Variants in CADM2 observed in about 807,000 individuals in gnomAD.
The protein encoded by CADM2 is immunoglobulin superfamily member 4D.
Under a neutral mutation model 49.8 loss-of-function variants are expected in CADM2, and 12 were observed. The observed-to-expected ratio is 0.24, with a 90% CI of 0.15 to 0.39. CADM2 has a LOEUF of 0.39. Among genes scored for constraint, CADM2 ranks in the 10% least tolerant of loss-of-function variants. The pLI, the probability that CADM2 is intolerant of heterozygous loss-of-function variation, is 1.00. For missense variants in CADM2, 378 were observed against 492.3 expected, an observed-to-expected ratio of 0.77 and a Z score of 2.20; for synonymous variants, 214 against 175.4, an observed-to-expected ratio of 1.22 and a Z score of -1.74.
At chr3:85,261,283 C>T (rs2043009564) in intron 1 of CADM2, among the ~76,000 whole-genome samples, 1 of 151,966 alleles carries the variant, frequency 6.6e-6, no homozygotes, top group Non-Finnish European at 1.5e-5. Flanking sequence ...TTACAGGCAT[C>T]TGCCACCAGG....
chr3:85,175,355 C>G (rs563727128), intron 1 of CADM2, among the ~76,000 whole-genome samples: 1 of 152,128 alleles, frequency 6.6e-6, no homozygotes, highest in East Asian at 1.9e-4. Context: ...GTGGAAGCAA[C>G]CTAAGTGTTC....
Position 86,072,207 on chromosome 3 carries a change from A to G in CADM2, c.*5424A>G, listed in dbSNP as rs1703320252. ...AATTATAATGGTTAATCTCTAAAATATGCTTAAAGTAAGATGTTTCTATGT... is the reference window on the plus strand; with the variant it reads ...AATTATAATGGTTAATCTCTAAAATGTGCTTAAAGTAAGATGTTTCTATGT... On this transcript the variant is annotated 3_prime_UTR_variant, in exon 10 of 10. Coordinates refer to ENST00000383699, the MANE Select transcript of CADM2 (RefSeq NM_001167675.2). 1.3e-5 allele frequency: 2 copies of G among 151,786 alleles called. No individual in the cohort carries two copies. The highest frequency in any genetic ancestry group is 2.9e-5 in the Non-Finnish European group (2 of 67,842). The allele number at this position is 151,786 out of a possible 1,614,324, so 9.4% of individuals were successfully genotyped here.
intron 5 of CADM2, among the ~76,000 whole-genome samples, chr3:85,908,299 T>C (rs1717086272): frequency 2.0e-5 from 3 of 149,326 alleles, no homozygotes; most frequent in Non-Finnish European, 4.4e-5. Context: ...TTGAAGCATT[T>C]AAACTTACTT....
At chr3:85,959,140 T>TTATC (rs1330500796) in intron 7 of CADM2, among the ~76,000 whole-genome samples, 153 of 105,000 alleles carry the variant, frequency 1.5e-3, no homozygotes, top group Non-Finnish European at 9.4e-4. Flanking sequence ...CTGTATATCT[T>TTATC]TATCTATCTA....
At chr3:85,244,115 C>A (rs760563769) in intron 1 of CADM2, among the ~76,000 whole-genome samples, 6 of 151,914 alleles carry the variant, frequency 3.9e-5, no homozygotes, top group Admixed American at 1.3e-4. Context: ...ACTCGCCTAC[C>A]CTAAATTTGG....
intron 1 of CADM2, among the ~76,000 whole-genome samples, chr3:85,456,877 A>G (rs1042420551): frequency 6.7e-6 from 1 of 148,936 alleles, no homozygotes; most frequent in African/African-American, 2.5e-5. Context: ...AGATCTTTCT[A>G]CAATAAACAG....
intron 3 of CADM2, among the ~76,000 whole-genome samples, chr3:85,879,079 A>G (rs1490044038): frequency 2.0e-5 from 3 of 150,586 alleles, no homozygotes; most frequent in East Asian, 3.9e-4. Context: ...ATAAATACAT[A>G]TATTTATATA....
intron 3 of CADM2, among the ~76,000 whole-genome samples, chr3:85,842,672 C>G (rs542771366): frequency 4.6e-5 from 7 of 152,208 alleles, no homozygotes; most frequent in African/African-American, 1.7e-4. Context: ...CAGATCTCAT[C>G]TAGGATTGAG....
chr3:85,983,437 G>T (rs767642893), intron 8 of CADM2, among the ~76,000 whole-genome samples: 1 of 151,578 alleles, frequency 6.6e-6, no homozygotes, highest in Non-Finnish European at 1.5e-5. Flanking sequence ...TTTGACCTTC[G>T]ACGGTGCACC....
chr3:85,869,236 A>C (rs1474397899), intron 3 of CADM2, among the ~76,000 whole-genome samples: 1 of 151,940 alleles, frequency 6.6e-6, no homozygotes, highest in African/African-American at 2.4e-5. Context: ...ATGTCACTTT[A>C]CTCACTTTTT....
chr3:85,059,917 T>A (rs1381202079), intron 1 of CADM2, among the ~76,000 whole-genome samples: 1 of 152,156 alleles, frequency 6.6e-6, no homozygotes, highest in African/African-American at 2.4e-5. Flanking sequence ...AGGGTAAATC[T>A]AGTCCAGAAG....
chr3:85,648,226 C>T (rs1415477846), intron 1 of CADM2, among the ~76,000 whole-genome samples: 1 of 151,782 alleles, frequency 6.6e-6, no homozygotes, highest in Admixed American at 6.6e-5. Flanking sequence ...TTAATGTCTT[C>T]CCGTTATCAC....
At chr3:85,400,818 G>A (rs562222526) in intron 1 of CADM2, among the ~76,000 whole-genome samples, 2 of 152,238 alleles carry the variant, frequency 1.3e-5, no homozygotes, top group African/African-American at 2.4e-5. Flanking sequence ...AGTCCTTAAT[G>A]CTGATCTCAC....
At chr3:85,372,545 A>T (rs1312765964) in intron 1 of CADM2, among the ~76,000 whole-genome samples, 1 of 152,010 alleles carries the variant, frequency 6.6e-6, no homozygotes, top group African/African-American at 2.4e-5. Flanking sequence ...AAACAATTTT[A>T]ACTAGGTAGA....
At chr3:85,260,877 T>C (rs2043000551) in intron 1 of CADM2, among the ~76,000 whole-genome samples, 1 of 152,168 alleles carries the variant, frequency 6.6e-6, no homozygotes, top group South Asian at 2.1e-4. Flanking sequence ...ACAGAGGTCC[T>C]AAGATGAATC....
chr3:85,538,031 T>C (rs1393538363), intron 1 of CADM2, among the ~76,000 whole-genome samples: 2 of 152,150 alleles, frequency 1.3e-5, no homozygotes, highest in Non-Finnish European at 2.9e-5. Flanking sequence ...TATCATAATG[T>C]ATTGTTTTAT....
intron 1 of CADM2, among the ~76,000 whole-genome samples, chr3:85,686,136 G>T (rs546968771): frequency 6.6e-6 from 1 of 152,272 alleles, no homozygotes; most frequent in East Asian, 1.9e-4. Flanking sequence ...AGTGCTAGCT[G>T]CATAAACTCA....
chr3:85,778,558 G>T (rs1339221610), intron 2 of CADM2, among the ~76,000 whole-genome samples: 1 of 151,978 alleles, frequency 6.6e-6, no homozygotes, highest in Non-Finnish European at 1.5e-5. Flanking sequence ...CTGCCACTCT[G>T]TGAAGAAGGT....
chr3:85,218,553 T>C (rs937367343), intron 1 of CADM2, among the ~76,000 whole-genome samples: 1 of 152,102 alleles, frequency 6.6e-6, no homozygotes, highest in African/African-American at 2.4e-5. Flanking sequence ...ATCCCAGCAC[T>C]TTTGGAGCCC....
Sources: gnomAD v4.1 joint callset for allele counts (sites outside exome capture counted in the v4.1 genomes callset) on GRCh38, gnomAD v4.1.1 for gene constraint, MANE v1.5 for transcripts, NCBI Gene and HGNC (gene_info 2026-07-23, HGNC 2026-07-21) for gene names.